Variants in DRAXIN observed in about 807,000 individuals in gnomAD.
The protein encoded by DRAXIN is dorsal repulsive axon guidance protein.
A neutral mutation model predicts 33.9 loss-of-function variants in DRAXIN; 27 were observed. The ratio of observed to expected loss-of-function variants is 0.80; its 90% CI spans 0.59 to 1.10. The LOEUF (loss-of-function observed/expected upper bound fraction) is 1.10, where lower values mean the gene tolerates loss of function less well. Ranked by LOEUF, DRAXIN falls within the 50% of genes least tolerant of loss-of-function variation. DRAXIN has a pLI of 0.00. For synonymous variants in DRAXIN, 178 were observed against 194.0 expected (o/e 0.92, Z 0.69); for missense variants, 371 against 460.8 (o/e 0.81, Z 1.78).
At chr1:11,697,195 C>T (rs528404362) in intron 1 of DRAXIN, among the ~76,000 whole-genome samples, 1 of 152,320 alleles carries the variant, frequency 6.6e-6, no homozygotes, top group African/African-American at 2.4e-5. Flanking sequence ...CATGGGTCAG[C>T]TTAGTGGGTT....
In DRAXIN at chr1:11,720,593, C is replaced by CAA. The variant is rs34041422; in HGVS notation, c.*916_*917dup. 2,174 of 71,120 alleles carry CAA rather than the reference C, an allele frequency of 0.031. 161 individuals carry two copies. Among genetic ancestry groups the CAA allele is most frequent in the African/African-American group, 0.072 (1,272 of 17,600 alleles). 4.4% of individuals were successfully genotyped at this position (71,120 alleles called of 1,614,324 possible). On this transcript the variant is annotated 3_prime_UTR_variant, in exon 7 of 7. Coordinates refer to ENST00000294485, the MANE Select transcript of DRAXIN (RefSeq NM_198545.4). ...GGGGGACAAGAGTGAAACTCCATCT[C>CAA]AAAAAAAAAAAAAAAAAAAAGCACA...
At chr1:11,698,581 C>T (rs11121800) in intron 1 of DRAXIN, among the ~76,000 whole-genome samples, 31,730 of 152,080 alleles carry the variant, frequency 0.21, 3,437 homozygotes, top group East Asian at 0.36. Flanking sequence ...TTGCTGGGCC[C>T]GGGACTCACG....
chr1:11,704,108 T>G lies in DRAXIN; in HGVS notation c.-10-2141T>G, dbSNP rs1023467021. On this transcript the variant is annotated intron_variant, in intron 1 of 6. Transcript: ENST00000294485. The surrounding 1 kb of genome is among the most constrained non-coding windows in gnomAD (Gnocchi z 4.6). Reference sequence around the variant, plus strand: ...CTCTACTGAGCCTCCTCTGCTCTCTTGCCCGCACTGTCTGGGTTTTCTTCC... The same window carrying G: ...CTCTACTGAGCCTCCTCTGCTCTCTGGCCCGCACTGTCTGGGTTTTCTTCC... 6.6e-6 allele frequency among the ~76,000 whole-genome samples: 1 copy of G among 152,184 alleles called. No homozygotes were observed. The highest frequency in any genetic ancestry group is 1.5e-5 in the Non-Finnish European group (1 of 68,030).
In DRAXIN at chr1:11,692,998, G is replaced by A. The variant is rs1641106377; in HGVS notation, c.-11+1145G>A. On this transcript the variant is annotated intron_variant, in intron 1 of 6. Transcript: ENST00000294485. This position sits in a 1 kb window ranked among gnomAD's most constrained non-coding sequence, Gnocchi z 5.8. ...AGACCTGGGATGGGGTGGGGACAGG[G>A]GGCTCCACAGAAATGGATCTCAAAG... Among the ~76,000 whole-genome samples the A allele has an allele frequency of 6.6e-6, 1 of 151,782 alleles. No individual in the cohort carries two copies. Among genetic ancestry groups the A allele is most frequent in the Non-Finnish European group, 1.5e-5 (1 of 67,952 alleles).
intron 2 of DRAXIN, among the ~76,000 whole-genome samples, chr1:11,707,445 A>C (rs1290209686): frequency 6.6e-6 from 1 of 152,190 alleles, no homozygotes; most frequent in Non-Finnish European, 1.5e-5. Flanking sequence ...GGCCCTGGGC[A>C]AGTTCTCTTT....
intron 6 of DRAXIN, among the ~76,000 whole-genome samples, chr1:11,716,152 A>C (rs1641574735): frequency 6.6e-6 from 1 of 152,234 alleles, no homozygotes; most frequent in African/African-American, 2.4e-5. Context: ...TACAGGCATG[A>C]GCCACCACAC....
At chr1:11,710,761 A>C (rs1304598495) in intron 3 of DRAXIN, among the ~76,000 whole-genome samples, 1 of 148,786 alleles carries the variant, frequency 6.7e-6, no homozygotes, top group East Asian at 2.0e-4. Context: ...AAAAATACAA[A>C]AAAAAAAAAA....
rs957461575 is a variant in DRAXIN, at chr1:11,719,937, T to C, written c.*241T>C. ...CACGCAGCCTCCATCCCGCGTGTCT[T>C]GCTCTCCGCGATGGCAATGCCGAGA... On this transcript the variant is annotated 3_prime_UTR_variant, in exon 7 of 7. Coordinates refer to ENST00000294485, the MANE Select transcript of DRAXIN (RefSeq NM_198545.4). The C allele has an allele frequency of 2.0e-6, 1 of 498,624 alleles. No homozygotes were observed. The allele number at this position is 498,624 out of a possible 1,614,324, so 30.9% of individuals were successfully genotyped here. A position where few individuals can be genotyped will look rare whatever the true frequency, so the allele number is the denominator to read the frequency against.
chr1:11,689,509 T>C (rs917067611), upstream of DRAXIN, among the ~76,000 whole-genome samples: 1 of 151,968 alleles, frequency 6.6e-6, no homozygotes, highest in African/African-American at 2.4e-5. Context: ...GGCAGGAGAA[T>C]TGCTTGAACC....
intron 6 of DRAXIN, among the ~76,000 whole-genome samples, chr1:11,715,672 A>C (rs1641565753): frequency 6.6e-6 from 1 of 152,160 alleles, no homozygotes; most frequent in Non-Finnish European, 1.5e-5. Flanking sequence ...GCACTTGCCC[A>C]GCTGCCTCTT....
chr1:11,718,798 A>C (rs547758944), intron 6 of DRAXIN, among the ~76,000 whole-genome samples: 2 of 152,252 alleles, frequency 1.3e-5, no homozygotes, highest in South Asian at 4.1e-4. Flanking sequence ...TTTCTAGAAA[A>C]ATTTCACAGA....
Position 11,692,531 on chromosome 1 carries a change from C to A in DRAXIN, c.-11+678C>A, listed in dbSNP as rs1361065470. Reference sequence around the variant, plus strand: ...GTCTCCCGCTCTGTCCCTCCTGCTCCCCACCGCCGGCTTTTGGCTTTTCTC... The same window carrying A: ...GTCTCCCGCTCTGTCCCTCCTGCTCACCACCGCCGGCTTTTGGCTTTTCTC... On this transcript the variant is annotated intron_variant, in intron 1 of 6. Coordinates refer to ENST00000294485, the MANE Select transcript of DRAXIN (RefSeq NM_198545.4). This position sits in a 1 kb window ranked among gnomAD's most constrained non-coding sequence, Gnocchi z 5.8. Among the ~76,000 whole-genome samples, 1 of 152,186 alleles carries A rather than the reference C, an allele frequency of 6.6e-6. No individual in the cohort carries two copies. The highest frequency in any genetic ancestry group is 1.5e-5 in the Non-Finnish European group (1 of 68,040).
upstream of DRAXIN, among the ~76,000 whole-genome samples, chr1:11,687,315 A>G (rs888735060): frequency 6.6e-6 from 1 of 152,040 alleles, no homozygotes; most frequent in Non-Finnish European, 1.5e-5. This position sits in a 1 kb window ranked among gnomAD's most constrained non-coding sequence, Gnocchi z 4.1. Flanking sequence ...TCTCGGCTCA[A>G]TGAAATCTCT....
intron 6 of DRAXIN, 28 bp from the exon 7 acceptor site, chr1:11,719,556 C>A: frequency 6.3e-7 from 1 of 1,585,562 alleles, no homozygotes; most frequent in East Asian, 2.3e-5. Context: ...CTTCGCGCCT[C>A]TGACCCCCCT....
intron 5 of DRAXIN, 22 bp from the exon 6 acceptor site, chr1:11,715,097 C>A: frequency 1.9e-6 from 3 of 1,613,738 alleles, no homozygotes; most frequent in South Asian, 2.2e-5. Context: ...TGGCTGACTG[C>A]GTGTGCTCTC....
chr1:11,721,157 C>G lies in DRAXIN; in HGVS notation c.*1461C>G, dbSNP rs1300128314. ...CCAAAAAAACCCCACACATATTGCC[C>G]ATGTTTACCCACTTTGCATACTGTT... On this transcript the variant is annotated 3_prime_UTR_variant, in exon 7 of 7. Transcript: ENST00000294485. 3.9e-5 allele frequency: 6 copies of G among 152,200 alleles called. No homozygotes were observed. The highest frequency in any genetic ancestry group is 1.3e-4 in the Admixed American group (2 of 15,274). The allele number at this position is 152,200 out of a possible 1,614,324, so 9.4% of individuals were successfully genotyped here.
At chr1:11,709,225 A>G in intron 2 of DRAXIN, 50 bp from the exon 3 acceptor site, 2 of 1,540,254 alleles carry the variant, frequency 1.3e-6, no homozygotes, top group Non-Finnish European at 1.7e-6. Context: ...GTAGACTGCC[A>G]CGAGGTGGCA....
chr1:11,715,677 C>T (rs984357480), intron 6 of DRAXIN, among the ~76,000 whole-genome samples: 3 of 152,154 alleles, frequency 2.0e-5, no homozygotes, highest in African/African-American at 7.2e-5. Context: ...TGCCCAGCTG[C>T]CTCTTCAACT....
rs1641160285 is a variant in DRAXIN at position 11,694,508 on chromosome 1, T to C, written c.-11+2655T>C. Among the ~76,000 whole-genome samples the C allele has an allele frequency of 6.6e-6, 1 of 152,122 alleles. No homozygotes were observed. The highest frequency in any genetic ancestry group is 2.4e-5 in the African/African-American group (1 of 41,416). ...AGTGGCTCACCCCAGCCGTGCAGAT[T>C]GGGTTTGAAGCCCAGCTGATCACTT... On this transcript the variant is annotated intron_variant, in intron 1 of 6. Transcript: ENST00000294485. This position sits in a 1 kb window ranked among gnomAD's most constrained non-coding sequence, Gnocchi z 4.9.
Sources: allele counts gnomAD v4.1 joint callset (sites outside exome capture counted in the v4.1 genomes callset), GRCh38; gene constraint gnomAD v4.1.1; non-coding constraint Gnocchi (gnomAD v3.1); transcripts MANE v1.5; gene names NCBI Gene and HGNC (gene_info 2026-07-23, HGNC 2026-07-21).